The following KCND2 variants were observed in gnomAD, a reference collection of about 807,000 sequenced individuals.
KCND2 encodes A-type voltage-gated potassium channel KCND2.
In KCND2, 16 loss-of-function variants were observed where a neutral mutation model predicts 54.4. The ratio of observed to expected loss-of-function variants is 0.29; its 90% CI spans 0.20 to 0.45. KCND2 has a LOEUF of 0.45. Among genes scored for constraint, KCND2 ranks in the 20% least tolerant of loss-of-function variants. The pLI is 1.00. For missense variants in KCND2, 486 were observed against 824.2 expected (o/e 0.59, Z 5.02); for synonymous variants, 317 against 310.7 (o/e 1.02, Z -0.21).
chr7:120,388,734 C>T (rs1281127583), intron 1 of KCND2, among the ~76,000 whole-genome samples: 1 of 151,898 alleles, frequency 6.6e-6, no homozygotes, highest in Admixed American at 6.6e-5. Flanking sequence ...CTCTACAAAA[C>T]TTCTGTTTTG....
chr7:120,625,587 T>C (rs1344257113), intron 1 of KCND2, among the ~76,000 whole-genome samples: 1 of 152,164 alleles, frequency 6.6e-6, no homozygotes, highest in African/African-American at 2.4e-5. Flanking sequence ...ACTCATACTA[T>C]ATATTTGGGA....
chr7:120,740,330 A>T (rs762143772), intron 2 of KCND2, among the ~76,000 whole-genome samples: 27 of 152,048 alleles, frequency 1.8e-4, no homozygotes, highest in Non-Finnish European at 2.8e-4. Flanking sequence ...AAAAATCTAG[A>T]TAATTTTAAA....
intron 1 of KCND2, among the ~76,000 whole-genome samples, chr7:120,652,898 T>A (rs979416053): frequency 2.0e-5 from 3 of 152,246 alleles, no homozygotes; most frequent in Admixed American, 6.5e-5. Flanking sequence ...GTAATTTCCT[T>A]ATTTTTATTA....
intron 1 of KCND2, among the ~76,000 whole-genome samples, chr7:120,282,242 C>G (rs575331856): frequency 6.6e-6 from 1 of 152,146 alleles, no homozygotes; most frequent in Non-Finnish European, 1.5e-5. Context: ...TGCTTCATCA[C>G]TAGAAAGGTG....
chr7:120,583,791 G>A (rs1017765103), intron 1 of KCND2, among the ~76,000 whole-genome samples: 2 of 148,370 alleles, frequency 1.3e-5, no homozygotes, highest in African/African-American at 2.5e-5. Context: ...TTGTGGGGGG[G>A]GGGACAAAAT....
chr7:120,453,847 G>A (rs1000126056), intron 1 of KCND2, among the ~76,000 whole-genome samples: 2 of 152,154 alleles, frequency 1.3e-5, no homozygotes, highest in African/African-American at 2.4e-5. Context: ...AGCACTTTGG[G>A]AGGCCAAGGT....
intron 1 of KCND2, among the ~76,000 whole-genome samples, chr7:120,364,865 G>T (rs1462056913): frequency 1.3e-5 from 2 of 152,152 alleles, no homozygotes; most frequent in Admixed American, 1.3e-4. Flanking sequence ...AACTGTATTT[G>T]ACAAAGAATT....
intron 1 of KCND2, among the ~76,000 whole-genome samples, chr7:120,715,876 G>T (rs1186549747): frequency 2.0e-5 from 3 of 152,054 alleles, no homozygotes; most frequent in Non-Finnish European, 4.4e-5. Context: ...CTGTAGACTT[G>T]TTTGACTTGT....
chr7:120,363,934 A>T (rs1800631032), intron 1 of KCND2, among the ~76,000 whole-genome samples: 1 of 152,044 alleles, frequency 6.6e-6, no homozygotes, highest in African/African-American at 2.4e-5. Context: ...CTGCACTCAG[A>T]TGCCTTTGCC....
intron 1 of KCND2, among the ~76,000 whole-genome samples, chr7:120,410,275 A>G (rs1021251633): frequency 3.3e-5 from 5 of 151,512 alleles, no homozygotes; most frequent in Admixed American, 2.0e-4. Flanking sequence ...ACATCACACT[A>G]TTTTTACAAT....
intron 1 of KCND2, among the ~76,000 whole-genome samples, chr7:120,320,444 G>A (rs1179439341): frequency 1.3e-5 from 2 of 152,122 alleles, no homozygotes; most frequent in East Asian, 1.9e-4. Flanking sequence ...AAGTGGTTCA[G>A]TGTGCGAAGC....
At chr7:120,357,261 T>C (rs1563020599) in intron 1 of KCND2, among the ~76,000 whole-genome samples, 2 of 152,252 alleles carry the variant, frequency 1.3e-5, no homozygotes, top group East Asian at 3.9e-4. Flanking sequence ...AATTTTTAAA[T>C]GATGAAACTG....
In KCND2 at chr7:120,592,007, A is replaced by C. The variant is rs143597184; in HGVS notation, c.1116-140896A>C. Among the ~76,000 whole-genome samples, 599 of 152,346 alleles carry C rather than the reference A, an allele frequency of 3.9e-3. 5 individuals carry two copies. The highest frequency in any genetic ancestry group is 0.012 in the African/African-American group (518 of 41,572). ...TTAATGAGATTCTAGGCGCTGATTA[A>C]AATGTAATGAAAAAAGCTTTAATGT... On this transcript the variant is annotated intron_variant, in intron 1 of 5. Transcript: ENST00000331113.
chr7:120,545,674 A>T (rs919214036), intron 1 of KCND2, among the ~76,000 whole-genome samples: 4 of 151,860 alleles, frequency 2.6e-5, no homozygotes, highest in Non-Finnish European at 5.9e-5. Context: ...TGCAGATAGC[A>T]GGTCAGCCAG....
At chr7:120,685,259 C>G (rs936410028) in intron 1 of KCND2, among the ~76,000 whole-genome samples, 3 of 152,160 alleles carry the variant, frequency 2.0e-5, no homozygotes, top group Admixed American at 2.0e-4. Context: ...ACTACAAGAA[C>G]TATCACCCTT....
rs187229087 is a variant in KCND2, at chr7:120,694,397, G to A, written c.1116-38506G>A. Reference sequence around the variant, plus strand: ...TGGCACCTGGGTTTAATTAAGACAGGCACAATCCATAAATAAATAATGATG... The same window carrying A: ...TGGCACCTGGGTTTAATTAAGACAGACACAATCCATAAATAAATAATGATG... On this transcript the variant is annotated intron_variant, in intron 1 of 5. Transcript: ENST00000331113. Among the ~76,000 whole-genome samples the A allele has an allele frequency of 1.6e-4, 24 of 152,096 alleles. No individual in the cohort carries two copies. The East Asian group carries it at 4.3e-3, about 27-fold the overall frequency.
At chr7:120,339,634 G>T (rs1584737407) in intron 1 of KCND2, among the ~76,000 whole-genome samples, 2 of 151,956 alleles carry the variant, frequency 1.3e-5, no homozygotes, top group African/African-American at 4.8e-5. Flanking sequence ...TCTACCAACT[G>T]TCCGGGACTA....
intron 1 of KCND2, among the ~76,000 whole-genome samples, chr7:120,407,996 T>C: frequency 6.6e-6 from 1 of 151,878 alleles, no homozygotes; most frequent in East Asian, 1.9e-4. Context: ...AAAGTTATTC[T>C]GGTGACAAGC....
intron 2 of KCND2, chr7:120,740,709 A>T (rs1284483750): frequency 3.1e-6 from 1 of 318,336 alleles, no homozygotes; most frequent in East Asian, 9.5e-5. Flanking sequence ...TAAACCCTCT[A>T]CATTGAAGGA....
Sources: gnomAD v4.1 joint callset for allele counts (sites outside exome capture counted in the v4.1 genomes callset) on GRCh38, gnomAD v4.1.1 for gene constraint, MANE v1.5 for transcripts, NCBI Gene and HGNC (gene_info 2026-07-23, HGNC 2026-07-21) for gene names.